Variants in DYSF observed in about 807,000 individuals in gnomAD.
DYSF encodes dysferlin, also known as dystrophy-associated fer-1-like 1.
In DYSF, 212 loss-of-function variants were observed where a neutral mutation model predicts 274.9. The ratio of observed to expected loss-of-function variants is 0.77; its 90% CI spans 0.69 to 0.86. The LOEUF (loss-of-function observed/expected upper bound fraction) is 0.86, where lower values mean the gene tolerates loss of function less well. Among genes scored for constraint, DYSF ranks in the 40% least tolerant of loss-of-function variants. DYSF has a pLI of 0.00. For synonymous variants in DYSF, 1,091 were observed against 1,078.7 expected, an observed-to-expected ratio of 1.01 and a Z score of -0.22; for missense variants, 2,666 against 2,783.2, an observed-to-expected ratio of 0.96 and a Z score of 0.95.
chr2:71,480,981 G>T (rs762933201), intron 2 of DYSF, 43 bp downstream of exon 2: 1 of 1,593,438 alleles, frequency 6.3e-7, no homozygotes, highest in African/African-American at 1.3e-5. Flanking sequence ...GTCTGCTGCA[G>T]TTGTGTCTGC....
chr2:71,623,752 A>G (rs761056644), intron 41 of DYSF, among the ~76,000 whole-genome samples: 4 of 152,100 alleles, frequency 2.6e-5, no homozygotes, highest in Admixed American at 6.6e-5. Context: ...TCTCACTTGT[A>G]CTTGATATTC....
At chr2:71,617,384 C>CTG (rs1167565793) in intron 40 of DYSF, among the ~76,000 whole-genome samples, 1 of 152,176 alleles carries the variant, frequency 6.6e-6, no homozygotes. Flanking sequence ...TGCAAGTTCA[C>CTG]CATAGGCTAA....
At chr2:71,646,954 A>G (rs534897718) in intron 42 of DYSF, among the ~76,000 whole-genome samples, 50 of 152,294 alleles carry the variant, frequency 3.3e-4, no homozygotes, top group African/African-American at 1.2e-3. Context: ...GAGCAAAGGA[A>G]ACAAAATAGA....
At chr2:71,475,262 C>T (rs770124525) in intron 1 of DYSF, among the ~76,000 whole-genome samples, 10 of 152,180 alleles carry the variant, frequency 6.6e-5, no homozygotes, top group Non-Finnish European at 1.3e-4. Flanking sequence ...CTGGAAACAG[C>T]GCTTCTATCC....
Position 71,656,145 on chromosome 2 carries a change from AT to A in DYSF, c.4627-16del. On this transcript the variant is annotated splice_polypyrimidine_tract_variant and intron_variant, in intron 42 of 55. Transcript: ENST00000410020. ...TTTCTGTCTCTTGTCCCCTCCTCTA[AT>A]CCCCATGTGTGGCAGGTCTATGACA... 6.2e-7 allele frequency: 1 copy of A among 1,612,536 alleles called. No homozygotes were observed.
At position 71,574,298 on chromosome 2, in the gene DYSF, G is replaced by A. The variant is rs1373309366; in HGVS notation, c.3329G>A (p.Arg1110His). The A allele has an allele frequency of 1.9e-6, 3 of 1,613,954 alleles. No homozygotes were observed. The highest frequency in any genetic ancestry group is 2.5e-6 in the Non-Finnish European group (3 of 1,180,002). Residue 1110 changes from arginine to histidine, a missense_variant, in exon 30 of 56, where the codon CGC (arginine) becomes CAC (histidine). Arg to His is a conservative substitution (Grantham distance 29). Around this residue, in one of 3 missense-constraint regions of DYSF, gnomAD observed 1,460 missense variants for 1,502.1 expected, o/e 0.97. Transcript: ENST00000410020. ...CGCAAGACAGATGCCTTCCGCCGCCGCCGCTGGCGCCGTCGCATGGAGCCA... is the reference window on the plus strand; with the variant it reads ...CGCAAGACAGATGCCTTCCGCCGCCACCGCTGGCGCCGTCGCATGGAGCCA... ...EYRKTDAFRR[R>H]RWRRRMEPLE...
At chr2:71,678,168 T>A (rs1028812807) in intron 52 of DYSF, among the ~76,000 whole-genome samples, 1 of 152,192 alleles carries the variant, frequency 6.6e-6, no homozygotes, top group East Asian at 1.9e-4. Context: ...TTATAGAATA[T>A]TTAAGATAAT....
At chr2:71,676,207 G>A (rs1291900327) in intron 52 of DYSF, among the ~76,000 whole-genome samples, 1 of 151,732 alleles carries the variant, frequency 6.6e-6, no homozygotes, top group Non-Finnish European at 1.5e-5. Flanking sequence ...CATTTTAATG[G>A]CTTTTGAAAC....
intron 3 of DYSF, among the ~76,000 whole-genome samples, chr2:71,485,664 G>C (rs1289469342): frequency 1.3e-5 from 2 of 152,116 alleles, no homozygotes; most frequent in Non-Finnish European, 2.9e-5. Context: ...CCCTACACAT[G>C]GATGTGAGAA....
intron 11 of DYSF, 28 bp downstream of exon 11, chr2:71,520,236 C>T (rs2087108269): frequency 1.2e-6 from 2 of 1,613,770 alleles, no homozygotes; most frequent in Non-Finnish European, 8.5e-7. Flanking sequence ...TGGCCGTATC[C>T]TTGCATTTTG....
chr2:71,502,695 C>T (rs964863525), intron 3 of DYSF, among the ~76,000 whole-genome samples: 4 of 152,202 alleles, frequency 2.6e-5, no homozygotes, highest in Admixed American at 1.3e-4. Flanking sequence ...AGCCTGTTTC[C>T]CCTGCCCCAA....
chr2:71,578,982 T>C (rs7568834), intron 30 of DYSF, among the ~76,000 whole-genome samples: 89,588 of 152,080 alleles, frequency 0.59, 26,688 homozygotes, highest in East Asian at 0.83. Flanking sequence ...GCTAATATCC[T>C]GGCATTTCCA....
chr2:71,637,881 C>T (rs1019921760), intron 41 of DYSF, among the ~76,000 whole-genome samples: 6 of 152,038 alleles, frequency 3.9e-5, no homozygotes, highest in African/African-American at 1.4e-4. Context: ...GAGGGTTTAC[C>T]TGTGGGATGC....
At chr2:71,618,758 G>A (rs1434594370) in intron 40 of DYSF, among the ~76,000 whole-genome samples, 5 of 151,698 alleles carry the variant, frequency 3.3e-5, no homozygotes, top group African/African-American at 1.2e-4. Flanking sequence ...TGGTGGGTGT[G>A]TGTCCGTGTG....
chr2:71,485,280 G>T (rs1229718589), intron 3 of DYSF, among the ~76,000 whole-genome samples: 1 of 152,206 alleles, frequency 6.6e-6, no homozygotes, highest in Non-Finnish European at 1.5e-5. Context: ...CCATGGCTGG[G>T]CATTGTGGCT....
chr2:71,492,907 G>A (rs895604987), intron 3 of DYSF, among the ~76,000 whole-genome samples: 5 of 151,936 alleles, frequency 3.3e-5, no homozygotes, highest in African/African-American at 1.2e-4. Context: ...TTTGAGACAG[G>A]GCCTCACTCT....
chr2:71,669,192 A>G lies in DYSF; in HGVS notation c.5627A>G (p.Asp1876Gly). The change falls in exon 50 of 56, where the codon GAC becomes GGC. Residue 1876 changes from aspartate to glycine, a missense_variant. By Grantham distance (94) the Asp-to-Gly change is moderately conservative. Coordinates refer to ENST00000410020, the MANE Select transcript of DYSF (RefSeq NM_001130987.2). ...DLSLTGEKMS[D>G]IYVKGWMIGF... ...AGCCTCACGGGGGAGAAGATGAGCG[A>G]CATTTATGTGAAAGGGTAGGGAGCC... The G allele has an allele frequency of 1.2e-6, 2 of 1,608,320 alleles. No homozygotes were observed. The highest frequency in any genetic ancestry group is 1.1e-5 in the South Asian group (1 of 89,398).
Position 71,551,699 on chromosome 2 carries a change from G to A in DYSF, c.1785G>A (p.Ala595=), listed in dbSNP as rs35984374. The A allele has an allele frequency of 0.019, 31,283 of 1,609,232 alleles. 376 individuals are homozygous for A. Among genetic ancestry groups the A allele is most frequent in the Non-Finnish European group, 0.023 (27,540 of 1,178,826 alleles). Residue 595 remains alanine (A), a synonymous_variant, in exon 19 of 56, where the codon GCG becomes GCA. Coordinates refer to ENST00000410020, the MANE Select transcript of DYSF (RefSeq NM_001130987.2). ...AACAGAAGGTGGAGGACCTTCCTGC[G>A]GATGACATCCTCCGGGTGGAGGTGA... The part of the protein sequence containing the change: ...HSEQKVEDLP[A]DDILRVEKYL...
Position 71,553,197 on chromosome 2 carries a change from G to A in DYSF, c.1984+9G>A, listed in dbSNP as rs1375749923. ...CCGTGCAGTCTTTGACGGTGAGGCA[G>A]TGCTCCTGGCTGGGACCCCGATCAC... On this transcript the variant is annotated intron_variant, in intron 20 of 55. Coordinates refer to ENST00000410020, the MANE Select transcript of DYSF (RefSeq NM_001130987.2). 3.1e-6 allele frequency: 5 copies of A among 1,613,978 alleles called. No homozygotes were observed. The South Asian group carries it at 3.3e-5, about 11-fold the overall frequency.
Sources: allele counts gnomAD v4.1 joint callset (sites outside exome capture counted in the v4.1 genomes callset), GRCh38; gene constraint gnomAD v4.1.1; regional missense constraint gnomAD v4.1.1; transcripts MANE v1.5; gene names NCBI Gene and HGNC (gene_info 2026-07-23, HGNC 2026-07-21).